Variants in NCAM2 observed in about 807,000 individuals in gnomAD.
The protein encoded by NCAM2 is neural cell adhesion molecule 2, also known as N-CAM-2.
Under a neutral mutation model 98.1 loss-of-function variants are expected in NCAM2, and 30 were observed. The observed-to-expected ratio is 0.31, with a 90% CI of 0.23 to 0.41. The LOEUF is 0.41. NCAM2 is among the 10% of genes least tolerant of loss of function. The pLI is 1.00. For missense variants in NCAM2, 867 were observed against 1,005.8 expected (o/e 0.86, Z 1.87); for synonymous variants, 368 against 342.4 (o/e 1.07, Z -0.83).
At chr21:21,378,675 A>G (rs1217221815) in intron 9 of NCAM2, among the ~76,000 whole-genome samples, 1 of 152,064 alleles carries the variant, frequency 6.6e-6, no homozygotes, top group Non-Finnish European at 1.5e-5. Context: ...TGTGTGCATC[A>G]ATAATTTATA....
At chr21:21,278,508 A>AT (rs1334590454) in intron 1 of NCAM2, among the ~76,000 whole-genome samples, 6 of 152,038 alleles carry the variant, frequency 3.9e-5, no homozygotes, top group Non-Finnish European at 8.8e-5. Context: ...CCTAAAATCT[A>AT]TTTTTCCCTT....
At chr21:21,011,731 C>G (rs950705514) in intron 1 of NCAM2, among the ~76,000 whole-genome samples, 4 of 151,772 alleles carry the variant, frequency 2.6e-5, no homozygotes, top group Admixed American at 6.6e-5. Context: ...TAAACTATAC[C>G]TCTGATAAGG....
At chr21:21,295,835 TTCTCTC>T (rs374173343) in intron 5 of NCAM2, among the ~76,000 whole-genome samples, 1 of 113,000 alleles carries the variant, frequency 8.8e-6, no homozygotes, top group African/African-American at 3.9e-5. Flanking sequence ...TTTTGTCTGT[TTCTCTC>T]TCTCTCTCTC....
chr21:21,466,851 G>A, intron 13 of NCAM2, 126 bp downstream of exon 13: 1 of 1,007,020 alleles, frequency 9.9e-7, no homozygotes. Context: ...TGGTGAAGTG[G>A]TTTCTGAAGA....
At chr21:21,156,770 G>A (rs1240577364) in intron 1 of NCAM2, among the ~76,000 whole-genome samples, 1 of 151,976 alleles carries the variant, frequency 6.6e-6, no homozygotes, top group African/African-American at 2.4e-5. Flanking sequence ...TATGTACAGA[G>A]CTATGGATAT....
At chr21:21,492,008 T>G (rs953757749) in intron 15 of NCAM2, among the ~76,000 whole-genome samples, 1 of 151,662 alleles carries the variant, frequency 6.6e-6, no homozygotes, top group Non-Finnish European at 1.5e-5. Flanking sequence ...CTTAGGAATT[T>G]GTATGATTAC....
intron 16 of NCAM2, among the ~76,000 whole-genome samples, chr21:21,513,595 A>T (rs1212769360): frequency 2.0e-5 from 3 of 152,200 alleles, no homozygotes; most frequent in Non-Finnish European, 4.4e-5. Flanking sequence ...ATTTTTCAAG[A>T]ATTGTTTTGT....
intron 1 of NCAM2, among the ~76,000 whole-genome samples, chr21:21,119,375 C>T (rs2066626466): frequency 6.6e-6 from 1 of 152,090 alleles, no homozygotes; most frequent in Non-Finnish European, 1.5e-5. Context: ...ACAGCTATTC[C>T]ATTTCCCCAT....
intron 8 of NCAM2, among the ~76,000 whole-genome samples, chr21:21,367,133 T>G (rs1040544702): frequency 1.3e-5 from 2 of 152,036 alleles, no homozygotes; most frequent in African/African-American, 4.8e-5. Flanking sequence ...GCTCATTCTT[T>G]CAGATTTCTC....
intron 1 of NCAM2, among the ~76,000 whole-genome samples, chr21:21,136,901 A>C (rs1429145023): frequency 3.3e-5 from 5 of 150,744 alleles, no homozygotes; most frequent in African/African-American, 1.2e-4. Context: ...TAAATAATTG[A>C]TTTTTTTTTT....
At chr21:21,444,132 C>T (rs232417) in intron 12 of NCAM2, among the ~76,000 whole-genome samples, 5,605 of 152,060 alleles carry the variant, frequency 0.037, 336 homozygotes, top group African/African-American at 0.13. Flanking sequence ...TGATGGATTA[C>T]GTTTATTGAT....
intron 1 of NCAM2, among the ~76,000 whole-genome samples, chr21:21,028,815 A>G (rs1015154648): frequency 1.3e-5 from 2 of 152,216 alleles, no homozygotes; most frequent in Non-Finnish European, 2.9e-5. Context: ...CGTATTTAAC[A>G]TTCTGTTGGG....
rs114651760 is a variant in NCAM2, at chr21:21,460,451, G to A, written c.1655-6155G>A. 4.2e-3 allele frequency among the ~76,000 whole-genome samples: 632 copies of A among 151,944 alleles called. 11 individuals carry two copies. Among genetic ancestry groups the A allele is most frequent in the African/African-American group, 0.015 (608 of 41,496 alleles). On this transcript the variant is annotated intron_variant, in intron 12 of 17. Coordinates refer to ENST00000400546, the MANE Select transcript of NCAM2 (RefSeq NM_004540.5). ...AATGAAATAGGATCAGATAGGACTT[G>A]AATAGTAGATTTTTCCCTAAAACAA...
chr21:21,534,143 T>C (rs1989858895), intron 16 of NCAM2, among the ~76,000 whole-genome samples: 1 of 152,018 alleles, frequency 6.6e-6, no homozygotes, highest in Non-Finnish European at 1.5e-5. Flanking sequence ...ATTTTAAAAA[T>C]GTTTTGAAAT....
intron 1 of NCAM2, among the ~76,000 whole-genome samples, chr21:21,029,191 C>T (rs1250148318): frequency 6.6e-6 from 1 of 152,166 alleles, no homozygotes; most frequent in East Asian, 1.9e-4. Context: ...TTACAATGAT[C>T]TTCTTTCTTC....
chr21:21,297,884 A>G (rs866623596), intron 5 of NCAM2, among the ~76,000 whole-genome samples: 2 of 151,782 alleles, frequency 1.3e-5, no homozygotes, highest in Non-Finnish European at 2.9e-5. Context: ...AGAGTGATTC[A>G]CTAACTGCAG....
intron 15 of NCAM2, among the ~76,000 whole-genome samples, chr21:21,507,688 G>A (rs1988073157): frequency 6.6e-6 from 1 of 151,106 alleles, no homozygotes; most frequent in Non-Finnish European, 1.5e-5. Flanking sequence ...TACTCGGGAG[G>A]CTGAGGCATG....
chr21:21,509,566 C>A (rs374453529), intron 16 of NCAM2, among the ~76,000 whole-genome samples: 12 of 152,028 alleles, frequency 7.9e-5, no homozygotes, highest in African/African-American at 2.4e-4. Flanking sequence ...ATTACAGATT[C>A]TGAATATACT....
chr21:21,472,428 C>T (rs1387475196), intron 14 of NCAM2, among the ~76,000 whole-genome samples: 1 of 151,916 alleles, frequency 6.6e-6, no homozygotes, highest in East Asian at 1.9e-4. Flanking sequence ...TATGTATGTA[C>T]ATGGAAATTT....
Sources: gnomAD v4.1 joint callset for allele counts (sites outside exome capture counted in the v4.1 genomes callset) on GRCh38, gnomAD v4.1.1 for gene constraint, MANE v1.5 for transcripts, NCBI Gene and HGNC (gene_info 2026-07-23, HGNC 2026-07-21) for gene names.